Variants in RBM7 observed in about 807,000 individuals in gnomAD.
The protein encoded by RBM7 is RNA-binding protein 7.
Under a neutral mutation model 31.0 loss-of-function variants are expected in RBM7, and 13 were observed. The observed-to-expected ratio is 0.42, with a 90% CI of 0.27 to 0.67. RBM7 has a LOEUF of 0.67. Among genes scored for constraint, RBM7 ranks in the 30% least tolerant of loss-of-function variants. The probability of loss-of-function intolerance (pLI) is 0.24; values close to 1 mark genes in which losing one functional copy is unlikely to be tolerated. For synonymous variants in RBM7, 106 were observed against 111.2 expected (o/e 0.95, Z 0.30); for missense variants, 245 against 326.2 (o/e 0.75, Z 1.92).
chr11:114,405,921 A>G, intron 4 of RBM7, 122 bp downstream of exon 4: 1 of 671,326 alleles, frequency 1.5e-6, no homozygotes, highest in Non-Finnish European at 2.4e-6. Context: ...TTGTTCCTTT[A>G]GTCCTCAAGG....
At chr11:114,404,126 A>C in intron 3 of RBM7, among the ~76,000 whole-genome samples, 1 of 152,166 alleles carries the variant, frequency 6.6e-6, no homozygotes, top group Admixed American at 6.5e-5. Context: ...AAGGCAGTGA[A>C]ATGTTTTAGG....
intron 1 of RBM7, 60 bp downstream of exon 1, chr11:114,400,827 G>C (rs1305753078): frequency 1.3e-6 from 2 of 1,586,654 alleles, no homozygotes; most frequent in Non-Finnish European, 1.7e-6. Context: ...GGCCTGGCCA[G>C]CGGCCACCCC....
Position 114,410,001 on chromosome 11 carries a change from C to G in RBM7, c.*2194C>G, listed in dbSNP as rs1946316679. 1 of 152,154 alleles carries G rather than the reference C, an allele frequency of 6.6e-6. No homozygotes were observed. Among genetic ancestry groups the G allele is most frequent in the Admixed American group, 6.5e-5 (1 of 15,282 alleles). 9.4% of individuals were successfully genotyped at this position (152,154 alleles called of 1,614,324 possible). On this transcript the variant is annotated 3_prime_UTR_variant, in exon 5 of 5. Coordinates refer to ENST00000375490, the MANE Select transcript of RBM7 (RefSeq NM_001286045.2). ...GCATTAATGCTTGCCAGTTGAGCATCCCAGGTCCGGAAATCCACAGTGCTC... is the reference window on the plus strand; with the variant it reads ...GCATTAATGCTTGCCAGTTGAGCATGCCAGGTCCGGAAATCCACAGTGCTC...
intron 2 of RBM7, among the ~76,000 whole-genome samples, chr11:114,402,382 C>CTTTTTCTTTTTTT (rs1946215146): frequency 2.0e-5 from 1 of 50,126 alleles, no homozygotes; most frequent in African/African-American, 6.9e-5. Flanking sequence ...GCTTGAGATT[C>CTTTTTCTTTTTTT]TTTTTTTTTT....
chr11:114,408,958 C>T lies in RBM7; in HGVS notation c.*1151C>T, dbSNP rs1946304578. The T allele has an allele frequency of 6.6e-6, 1 of 151,374 alleles. No homozygotes were observed. The highest frequency in any genetic ancestry group is 1.5e-5 in the Non-Finnish European group (1 of 67,874). 9.4% of individuals were successfully genotyped at this position (151,374 alleles called of 1,614,324 possible). On this transcript the variant is annotated 3_prime_UTR_variant, in exon 5 of 5. Transcript: ENST00000375490. ...TTTTTTATGTCACTGACTTCAGAGA[C>T]ATTGTACACAAAGAATTAACATACT...
intron 4 of RBM7, chr11:114,406,456 C>T (rs968884888): frequency 6.6e-6 from 1 of 151,936 alleles, no homozygotes; most frequent in African/African-American, 2.4e-5. Flanking sequence ...CTAATTGTAC[C>T]GTAGACTATT....
chr11:114,405,646 A>T, intron 3 of RBM7, 60 bp from the exon 4 acceptor site: 1 of 1,208,280 alleles, frequency 8.3e-7, no homozygotes, highest in Non-Finnish European at 1.2e-6. Context: ...TGTTCTGCTC[A>T]TGGTTGTTAG....
At position 114,402,552 on chromosome 11, in the gene RBM7, C is replaced by T. The variant is rs570937853; in HGVS notation, c.260-276C>T. Among the ~76,000 whole-genome samples the T allele has an allele frequency of 7.1e-4, 108 of 151,386 alleles. No homozygotes were observed. The South Asian group carries it at 0.02, about 28-fold the overall frequency. On this transcript the variant is annotated intron_variant, in intron 2 of 4. Coordinates refer to ENST00000375490, the MANE Select transcript of RBM7 (RefSeq NM_001286045.2). ...CTGAGTAGCTGGGATTACAGGTGCA[C>T]GCCACCACGCCTGGCTAATTCTTTG... is the stretch of plus-strand genomic sequence containing the variant.
chr11:114,401,891 G>T (rs1946207144), intron 2 of RBM7, 31 bp downstream of exon 2: 1 of 1,522,736 alleles, frequency 6.6e-7, no homozygotes, highest in South Asian at 1.3e-5. Context: ...GGGGGGCATT[G>T]TTTCCTGCTG....
rs1355737959 is a variant in RBM7 at position 114,401,581 on chromosome 11, A to G, written c.97-117A>G. The stretch of plus-strand genomic sequence containing the variant: ...AATGGAAATCCGTGCATCATTTTCA[A>G]AAGAAGTTTCTGATTACGTTTCTGT... On this transcript the variant is annotated intron_variant, in intron 1 of 4. Coordinates refer to ENST00000375490, the MANE Select transcript of RBM7 (RefSeq NM_001286045.2). 12 of 871,392 alleles carry G rather than the reference A, an allele frequency of 1.4e-5. No homozygotes were observed. In the Admixed American group the frequency reaches 3.6e-4, roughly 26 times the overall value. The allele number at this position is 871,392 out of a possible 1,614,324, so 54.0% of individuals were successfully genotyped here.
Position 114,402,867 on chromosome 11 carries a change from C to G in RBM7, c.299C>G (p.Pro100Arg). The G allele has an allele frequency of 6.2e-7, 1 of 1,613,170 alleles. No individual in the cohort carries two copies. Among genetic ancestry groups the G allele is most frequent in the African/African-American group, 1.3e-5 (1 of 74,938 alleles). The stretch of plus-strand genomic sequence containing the variant: ...CCACAAGATGTCAGTTTGTCATATC[C>G]CCAACATCATGTTGGAAATTCAAGC... The part of the protein sequence containing the change: ...HAPQDVSLSY[P>R]QHHVGNSSPT... Residue 100 changes from proline (P) to arginine (R), a missense_variant, in exon 3 of 5, where the codon CCC becomes CGC. Transcript: ENST00000375490.
At chr11:114,403,204 C>T (rs945741053) in intron 3 of RBM7, among the ~76,000 whole-genome samples, 8 of 152,162 alleles carry the variant, frequency 5.3e-5, no homozygotes, top group Non-Finnish European at 1.2e-4. Context: ...TACATGTATA[C>T]ACTTGAAACA....
At chr11:114,406,697 C>T (rs908373449) in intron 4 of RBM7, 2 of 152,176 alleles carry the variant, frequency 1.3e-5, no homozygotes, top group African/African-American at 4.8e-5. Flanking sequence ...TGTCTGATTC[C>T]AGTAAACCCT....
At chr11:114,402,704 C>A in intron 2 of RBM7, 124 bp from the exon 3 acceptor site, 1 of 828,288 alleles carries the variant, frequency 1.2e-6, no homozygotes, top group Non-Finnish European at 2.0e-6. Flanking sequence ...CGCGCCCGGC[C>A]AGTAGTTTGA....
At position 114,407,811 on chromosome 11, in the gene RBM7, A is replaced by G. The variant is rs1334507486; in HGVS notation, c.*4A>G. On this transcript the variant is annotated 3_prime_UTR_variant, in exon 5 of 5. Coordinates refer to ENST00000375490, the MANE Select transcript of RBM7 (RefSeq NM_001286045.2). ...ATGGCGCTCATCTCGACACTAACAC[A>G]TGTTAAAAGGACATTGTTTTTATAG... 1 of 1,595,582 alleles carries G rather than the reference A, an allele frequency of 6.3e-7. No homozygotes were observed. The highest frequency in any genetic ancestry group is 8.5e-7 in the Non-Finnish European group (1 of 1,173,366).
In RBM7 at chr11:114,408,770, T is replaced by C. The variant is rs1295150049; in HGVS notation, c.*963T>C. 1 of 152,168 alleles carries C rather than the reference T, an allele frequency of 6.6e-6. No individual in the cohort carries two copies. Among genetic ancestry groups the C allele is most frequent in the Non-Finnish European group, 1.5e-5 (1 of 68,016 alleles). The allele number at this position is 152,168 out of a possible 1,614,324, so 9.4% of individuals were successfully genotyped here. A position where few individuals can be genotyped will look rare whatever the true frequency, so the allele number is the denominator to read the frequency against. ...CTAATTTTAAAATTTTAAAATCTTG[T>C]TTAACAAAAGCTTGTATTAAGATAC... On this transcript the variant is annotated 3_prime_UTR_variant, in exon 5 of 5. Transcript: ENST00000375490.
rs1308915385 is a variant in RBM7 at position 114,401,684 on chromosome 11, C to G, written c.97-14C>G. ...GTTGCTTTATTTAAATTCTAAACAC[C>G]TTTTTGTTTGTAGGCTGGGCCAGTA... On this transcript the variant is annotated splice_polypyrimidine_tract_variant and intron_variant, in intron 1 of 4. Transcript: ENST00000375490. 2 of 1,479,590 alleles carry G rather than the reference C, an allele frequency of 1.4e-6. No homozygotes were observed. Among genetic ancestry groups the G allele is most frequent in the East Asian group, 2.6e-5 (1 of 37,788 alleles). 91.7% of individuals were successfully genotyped at this position (1,479,590 alleles called of 1,614,324 possible).
chr11:114,410,416 T>C lies in RBM7; in HGVS notation c.*2609T>C, dbSNP rs1946321649. The stretch of plus-strand genomic sequence containing the variant: ...AAATTTTTATACCACTTTCTAATTA[T>C]GTTGTGTGTGCCCACTTTCCCCATA... On this transcript the variant is annotated 3_prime_UTR_variant, in exon 5 of 5. Transcript: ENST00000375490. 1 of 152,194 alleles carries C rather than the reference T, an allele frequency of 6.6e-6. No individual in the cohort carries two copies. Among genetic ancestry groups the C allele is most frequent in the Non-Finnish European group, 1.5e-5 (1 of 68,032 alleles). The allele number at this position is 152,194 out of a possible 1,614,324, so 9.4% of individuals were successfully genotyped here.
In RBM7 at chr11:114,409,409, C is replaced by T; in HGVS notation, c.*1602C>T. ...TTTGAGACAGAGTCTTGCTACGACACCCAGGCTAGAGTGCAATGGCGGGAT... is the reference window on the plus strand; with the variant it reads ...TTTGAGACAGAGTCTTGCTACGACATCCAGGCTAGAGTGCAATGGCGGGAT... On this transcript the variant is annotated 3_prime_UTR_variant, in exon 5 of 5. Transcript: ENST00000375490. 6.6e-6 allele frequency: 1 copy of T among 151,770 alleles called. No homozygotes were observed. The highest frequency in any genetic ancestry group is 1.9e-4 in the East Asian group (1 of 5,180). The allele number at this position is 151,770 out of a possible 1,614,324, so 9.4% of individuals were successfully genotyped here.
Sources: allele counts gnomAD v4.1 joint callset (sites outside exome capture counted in the v4.1 genomes callset), GRCh38; gene constraint gnomAD v4.1.1; transcripts MANE v1.5; gene names NCBI Gene and HGNC (gene_info 2026-07-23, HGNC 2026-07-21).